MOSMO: variants seen among roughly 807,000 people sequenced by gnomAD.
The protein encoded by MOSMO is modulator of smoothened.
A neutral mutation model predicts 18.4 loss-of-function variants in MOSMO; 5 were observed. The ratio of observed to expected loss-of-function variants is 0.27; its 90% CI spans 0.14 to 0.57. MOSMO has a LOEUF of 0.57. Ranked by LOEUF, MOSMO falls within the 20% of genes least tolerant of loss-of-function variation. The pLI is 0.92. For synonymous variants in MOSMO, 82 were observed against 82.3 expected (o/e 1.00, Z 0.02); for missense variants, 138 against 211.8 (o/e 0.65, Z 2.16).
chr16:22,066,873 C>T (rs528261967), intron 1 of MOSMO, among the ~76,000 whole-genome samples: 1 of 152,216 alleles, frequency 6.6e-6, no homozygotes, highest in Admixed American at 6.5e-5. Flanking sequence ...AAAGTGTGGC[C>T]TATACACAGG....
At chr16:22,027,847 C>G (rs949147401) in intron 1 of MOSMO, among the ~76,000 whole-genome samples, 1 of 152,124 alleles carries the variant, frequency 6.6e-6, no homozygotes, top group African/African-American at 2.4e-5. Context: ...GTTTCTCTGC[C>G]TCAGTATGAA....
chr16:22,067,733 G>T (rs765344383), intron 1 of MOSMO, among the ~76,000 whole-genome samples: 1 of 152,030 alleles, frequency 6.6e-6, no homozygotes, highest in Non-Finnish European at 1.5e-5. Context: ...AAAAAAATTA[G>T]CTGGACGTGG....
At chr16:22,064,437 CAGTA>C (rs1567512581) in intron 1 of MOSMO, 1 of 456,240 alleles carries the variant, frequency 2.2e-6, no homozygotes, top group East Asian at 6.9e-5. Flanking sequence ...TGGGAAGAAA[CAGTA>C]AGTATCCTTG....
At chr16:22,066,320 T>C (rs1468757802) in intron 1 of MOSMO, among the ~76,000 whole-genome samples, 1 of 152,100 alleles carries the variant, frequency 6.6e-6, no homozygotes, top group Non-Finnish European at 1.5e-5. Context: ...GTTCCTGAGG[T>C]ATTGGGGTAA....
At chr16:22,089,058 C>G (rs960799812), downstream of MOSMO, among the ~76,000 whole-genome samples, 2 of 150,742 alleles carry the variant, frequency 1.3e-5, no homozygotes, top group African/African-American at 4.9e-5. Context: ...TGTGTCAAAT[C>G]TTCCATCATT....
At chr16:22,056,077 G>A (rs2141753132) in intron 1 of MOSMO, among the ~76,000 whole-genome samples, 1 of 152,264 alleles carries the variant, frequency 6.6e-6, no homozygotes, top group African/African-American at 2.4e-5. Flanking sequence ...ATATGGGCCG[G>A]CAGGGGGCGA....
chr16:22,042,764 A>G (rs1397419170), intron 1 of MOSMO, among the ~76,000 whole-genome samples: 1 of 152,220 alleles, frequency 6.6e-6, no homozygotes, highest in Non-Finnish European at 1.5e-5. Context: ...CAGGCTCGCA[A>G]AAACGGGAGT....
intron 1 of MOSMO, among the ~76,000 whole-genome samples, chr16:22,055,473 C>A (rs1042314667): frequency 9.2e-5 from 14 of 152,196 alleles, no homozygotes; most frequent in African/African-American, 3.1e-4. Flanking sequence ...TACAGTACCA[C>A]AACAGGATTG....
intron 1 of MOSMO, among the ~76,000 whole-genome samples, chr16:22,018,602 G>GT (rs1205596245): frequency 6.6e-6 from 1 of 152,104 alleles, no homozygotes; most frequent in Non-Finnish European, 1.5e-5. Context: ...TGCTATTGAC[G>GT]TATTTGTGGT....
At chr16:22,066,775 G>A (rs1317290103) in intron 1 of MOSMO, among the ~76,000 whole-genome samples, 1 of 152,168 alleles carries the variant, frequency 6.6e-6, no homozygotes, top group Non-Finnish European at 1.5e-5. Flanking sequence ...CCTGGGGAAG[G>A]AAGGAATTTG....
intron 1 of MOSMO, among the ~76,000 whole-genome samples, chr16:22,071,256 G>A (rs753752513): frequency 1.9e-4 from 29 of 152,144 alleles, no homozygotes; most frequent in Admixed American, 3.9e-4. Context: ...AGCATTGTCC[G>A]GAGGAGGAAA....
At chr16:22,091,768 C>T (rs1182163145), downstream of MOSMO, among the ~76,000 whole-genome samples, 1 of 152,164 alleles carries the variant, frequency 6.6e-6, no homozygotes, top group Non-Finnish European at 1.5e-5. Context: ...TGAGAAATGA[C>T]CTGGATATGA....
chr16:22,063,510 A>G (rs1371585336), intron 1 of MOSMO, among the ~76,000 whole-genome samples: 1 of 152,246 alleles, frequency 6.6e-6, no homozygotes, highest in Non-Finnish European at 1.5e-5. Flanking sequence ...GATGTCTGAG[A>G]GTAGACTATA....
intron 1 of MOSMO, among the ~76,000 whole-genome samples, chr16:22,017,266 C>T (rs1247411063): frequency 2.0e-5 from 3 of 152,222 alleles, no homozygotes; most frequent in South Asian, 2.1e-4. Context: ...TAATTATTTA[C>T]ATAGTGACCG....
intron 1 of MOSMO, among the ~76,000 whole-genome samples, chr16:22,030,384 T>G (rs1017920236): frequency 6.6e-6 from 1 of 152,226 alleles, no homozygotes; most frequent in South Asian, 2.1e-4. Context: ...GCACAAAGCC[T>G]ATCCAGTTAA....
chr16:22,018,438 G>C (rs983592393), intron 1 of MOSMO, among the ~76,000 whole-genome samples: 2 of 152,210 alleles, frequency 1.3e-5, no homozygotes, highest in East Asian at 3.9e-4. Flanking sequence ...AATCTTTAAG[G>C]CCACTTAGAC....
At chr16:22,066,461 G>A (rs1307169666) in intron 1 of MOSMO, among the ~76,000 whole-genome samples, 4 of 152,114 alleles carry the variant, frequency 2.6e-5, no homozygotes, top group Admixed American at 2.6e-4. Context: ...CACATACCCA[G>A]GCAACAACTG....
At chr16:22,029,860 TCAAA>T (rs1285220439) in intron 1 of MOSMO, among the ~76,000 whole-genome samples, 1 of 152,148 alleles carries the variant, frequency 6.6e-6, no homozygotes, top group Non-Finnish European at 1.5e-5. Context: ...ACTCCTGGGC[TCAAA>T]CAGTCTTCCT....
intron 1 of MOSMO, among the ~76,000 whole-genome samples, chr16:22,074,111 C>T (rs1462242493): frequency 2.0e-5 from 3 of 152,184 alleles, no homozygotes; most frequent in East Asian, 1.9e-4. Flanking sequence ...CCTAGCCACA[C>T]GTGCACGTGC....
Sources: allele counts gnomAD v4.1 joint callset (sites outside exome capture counted in the v4.1 genomes callset), GRCh38; gene constraint gnomAD v4.1.1; transcripts MANE v1.5; gene names NCBI Gene and HGNC (gene_info 2026-07-23, HGNC 2026-07-21).